Variants in FAM227B observed in about 807,000 individuals in gnomAD.
FAM227B encodes protein FAM227B.
In FAM227B, 88 loss-of-function variants were observed where a neutral mutation model predicts 73.8. The ratio of observed to expected loss-of-function variants is 1.19; its 90% CI spans 1.00 to 1.42. The LOEUF is 1.42. Among genes scored for constraint, FAM227B ranks in the 40% most tolerant of loss-of-function variants. The pLI is 0.00. For missense variants in FAM227B, 632 were observed against 590.9 expected (o/e 1.07, Z -0.72); for synonymous variants, 210 against 190.5 (o/e 1.10, Z -0.84).
At chr15:49,488,641 A>G (rs2056613124) in intron 11 of FAM227B, 1 of 151,974 alleles carries the variant, frequency 6.6e-6, no homozygotes, top group Non-Finnish European at 1.5e-5. Context: ...ATTTTCTTTC[A>G]TTTATATTCT....
At chr15:49,533,574 T>C (rs889530768) in intron 10 of FAM227B, among the ~76,000 whole-genome samples, 1 of 151,944 alleles carries the variant, frequency 6.6e-6, no homozygotes, top group Non-Finnish European at 1.5e-5. Context: ...CATATATATT[T>C]ACTATTGTTA....
chr15:49,553,498 T>A (rs1450860325), intron 9 of FAM227B, among the ~76,000 whole-genome samples: 1 of 152,196 alleles, frequency 6.6e-6, no homozygotes, highest in East Asian at 1.9e-4. Context: ...GCCAGGCCTG[T>A]GTCCTTCCCT....
intron 1 of FAM227B, among the ~76,000 whole-genome samples, chr15:49,619,290 T>C (rs974105765): frequency 6.6e-6 from 1 of 152,214 alleles, no homozygotes. Context: ...GAGGGATCTA[T>C]GTCTCCTTTC....
chr15:49,619,180 G>C (rs1436340965), intron 1 of FAM227B, among the ~76,000 whole-genome samples: 1 of 152,068 alleles, frequency 6.6e-6, no homozygotes, highest in Non-Finnish European at 1.5e-5. Flanking sequence ...AAAAAAAAGT[G>C]TATTAAACCA....
At chr15:49,510,101 G>T (rs1449848819) in intron 10 of FAM227B, among the ~76,000 whole-genome samples, 1 of 151,998 alleles carries the variant, frequency 6.6e-6, no homozygotes, top group Non-Finnish European at 1.5e-5. Context: ...GTTACATTTT[G>T]ATGTATTAAT....
intron 11 of FAM227B, among the ~76,000 whole-genome samples, chr15:49,480,474 ATTTTTT>A (rs35283556): frequency 3.0e-5 from 3 of 100,918 alleles, no homozygotes; most frequent in African/African-American, 8.1e-5. Context: ...TGCCCAACTA[ATTTTTT>A]TTTTTTTTTT....
At chr15:49,534,378 T>A (rs922416672) in intron 10 of FAM227B, among the ~76,000 whole-genome samples, 1 of 151,732 alleles carries the variant, frequency 6.6e-6, no homozygotes, top group Non-Finnish European at 1.5e-5. Flanking sequence ...AAGGGACAAA[T>A]AACATTATTT....
intron 11 of FAM227B, among the ~76,000 whole-genome samples, chr15:49,448,594 T>C (rs1028729533): frequency 6.6e-6 from 1 of 151,762 alleles, no homozygotes; most frequent in African/African-American, 2.4e-5. Flanking sequence ...TTTCTGGTTA[T>C]TCTCTTCACT....
intron 5 of FAM227B, among the ~76,000 whole-genome samples, chr15:49,578,740 A>T (rs1028828594): frequency 6.6e-6 from 1 of 152,336 alleles, no homozygotes; most frequent in Non-Finnish European, 1.5e-5. Flanking sequence ...AATGAGATCA[A>T]ATATGATTGG....
intron 9 of FAM227B, among the ~76,000 whole-genome samples, chr15:49,544,687 C>T (rs1050223491): frequency 1.3e-5 from 2 of 152,008 alleles, no homozygotes; most frequent in Non-Finnish European, 2.9e-5. Flanking sequence ...TCCTCTTTGC[C>T]AATTTTGCTG....
intron 3 of FAM227B, among the ~76,000 whole-genome samples, chr15:49,594,338 GCA>G (rs2076771253): frequency 6.6e-6 from 1 of 152,008 alleles, no homozygotes; most frequent in African/African-American, 2.4e-5. Context: ...TTTGTCCAAT[GCA>G]CAGTTTACAA....
intron 10 of FAM227B, among the ~76,000 whole-genome samples, chr15:49,510,534 A>C (rs537363668): frequency 6.6e-6 from 1 of 152,222 alleles, no homozygotes; most frequent in Admixed American, 6.5e-5. Flanking sequence ...CTTTCAGTTT[A>C]ATATTCTTGG....
intron 11 of FAM227B, among the ~76,000 whole-genome samples, chr15:49,505,999 A>T (rs1351527224): frequency 4.6e-5 from 7 of 152,030 alleles, no homozygotes; most frequent in Non-Finnish European, 8.8e-5. Context: ...AAGATTAAAC[A>T]AAATGAACTC....
chr15:49,568,112 A>G, intron 9 of FAM227B, 133 bp downstream of exon 9: 1 of 696,836 alleles, frequency 1.4e-6, no homozygotes, highest in African/African-American at 1.8e-5. Flanking sequence ...TCAAAATATT[A>G]CTAATACTCT....
Position 49,605,790 on chromosome 15 carries a change from G to A in FAM227B, c.105+5425C>T, listed in dbSNP as rs569806867. Among the ~76,000 whole-genome samples the A allele has an allele frequency of 1.1e-4, 16 of 152,198 alleles. No individual in the cohort carries two copies. In the South Asian group the frequency reaches 3.1e-3, roughly 30 times the overall value. On this transcript the variant is annotated intron_variant, in intron 3 of 15. Transcript: ENST00000299338. Reference sequence around the variant, plus strand: ...GGCCTGGAGCCTGGGTCCTCATGTGGTAGCCTAAAATCAAAAATCCAAGGG... The same window carrying A: ...GGCCTGGAGCCTGGGTCCTCATGTGATAGCCTAAAATCAAAAATCCAAGGG...
At chr15:49,333,389 GC>G (rs2039156234) in intron 14 of FAM227B, among the ~76,000 whole-genome samples, 1 of 152,234 alleles carries the variant, frequency 6.6e-6, no homozygotes, top group South Asian at 2.1e-4. Context: ...TCAACAATGT[GC>G]CATTGCATTA....
chr15:49,445,296 A>T (rs749866459), intron 11 of FAM227B, among the ~76,000 whole-genome samples: 1 of 151,604 alleles, frequency 6.6e-6, no homozygotes, highest in African/African-American at 2.4e-5. Flanking sequence ...AGTAGTTCCC[A>T]GTTTGTATTG....
At chr15:49,501,238 A>G (rs1046489433) in intron 11 of FAM227B, among the ~76,000 whole-genome samples, 3 of 152,218 alleles carry the variant, frequency 2.0e-5, no homozygotes, top group African/African-American at 7.2e-5. Context: ...AGAAGAAGAC[A>G]GGAAGATGAG....
At chr15:49,432,660 T>C (rs1455809379) in intron 11 of FAM227B, among the ~76,000 whole-genome samples, 3 of 151,654 alleles carry the variant, frequency 2.0e-5, no homozygotes, top group Admixed American at 1.3e-4. Flanking sequence ...AACTATACAA[T>C]TGACCTGAAC....
Sources: gnomAD v4.1 joint callset for allele counts (sites outside exome capture counted in the v4.1 genomes callset) on GRCh38, gnomAD v4.1.1 for gene constraint, MANE v1.5 for transcripts, NCBI Gene and HGNC (gene_info 2026-07-23, HGNC 2026-07-21) for gene names.